Variants in NUGGC observed in about 807,000 individuals in gnomAD.
NUGGC encodes the protein nuclear GTPase SLIP-GC.
In NUGGC, 58 loss-of-function variants were observed where a neutral mutation model predicts 92.6. That is an observed-to-expected ratio of 0.63 (90% CI 0.51 to 0.78). The LOEUF is 0.78. NUGGC is among the 30% of genes least tolerant of loss of function. The pLI is 0.00. For synonymous variants in NUGGC, 376 were observed against 366.4 expected (o/e 1.03, Z -0.30); for missense variants, 925 against 964.6 (o/e 0.96, Z 0.54).
At chr8:28,070,143 A>T in intron 3 of NUGGC, 109 bp downstream of exon 3, 1 of 1,460,756 alleles carries the variant, frequency 6.8e-7, no homozygotes, top group South Asian at 1.5e-5. Flanking sequence ...AAACAGGTTT[A>T]TTTGATGTTT....
intron 2 of NUGGC, among the ~76,000 whole-genome samples, chr8:28,072,900 G>C (rs1947384): frequency 0.29 from 44,221 of 151,514 alleles, 6,800 homozygotes; most frequent in South Asian, 0.54. Flanking sequence ...TCCAAAAAGC[G>C]TAGTATACTG....
At chr8:28,055,080 C>A (rs546359034) in intron 10 of NUGGC, among the ~76,000 whole-genome samples, 2 of 151,606 alleles carry the variant, frequency 1.3e-5, no homozygotes, top group African/African-American at 4.8e-5. Flanking sequence ...TGGTAAAACC[C>A]TCTCTCTACT....
At chr8:28,040,880 T>C (rs1033303307) in intron 13 of NUGGC, among the ~76,000 whole-genome samples, 171 bp downstream of exon 13, 14 of 152,102 alleles carry the variant, frequency 9.2e-5, no homozygotes, top group Non-Finnish European at 2.1e-4. Context: ...CTCCTGACCT[T>C]GTGATCCGCC....
rs778741423 is a variant in NUGGC at position 28,026,946 on chromosome 8, G to A, written c.2245+16C>T. 3 of 1,570,248 alleles carry A rather than the reference G, an allele frequency of 1.9e-6. No individual in the cohort carries two copies. In the South Asian group the frequency reaches 3.3e-5, roughly 17 times the overall value. ...TCTGCACAATCACCCTGTATACAAA[G>A]CTTTGGCGTATTTACCTGCAAGCTC... On this transcript the variant is annotated intron_variant, in intron 18 of 18. Transcript: ENST00000413272.
chr8:28,044,600 A>C (rs1188704928), intron 12 of NUGGC, among the ~76,000 whole-genome samples: 1 of 152,188 alleles, frequency 6.6e-6, no homozygotes, highest in Non-Finnish European at 1.5e-5. Flanking sequence ...AGATTAGGGA[A>C]GTTATTCATC....
chr8:28,076,854 GGGTA>G (rs2130285534), intron 1 of NUGGC, among the ~76,000 whole-genome samples: 1 of 152,260 alleles, frequency 6.6e-6, no homozygotes, highest in East Asian at 1.9e-4. Context: ...GGTTCCCAGA[GGGTA>G]GAAATAGATC....
intron 6 of NUGGC, among the ~76,000 whole-genome samples, chr8:28,065,259 C>G (rs1810412647): frequency 7.0e-6 from 1 of 143,866 alleles, no homozygotes; most frequent in Admixed American, 7.3e-5. Flanking sequence ...CTCCCGGGTT[C>G]ACGCCATTCT....
At chr8:28,076,988 A>G (rs1403265417) in intron 1 of NUGGC, among the ~76,000 whole-genome samples, 1 of 152,224 alleles carries the variant, frequency 6.6e-6, no homozygotes, top group Non-Finnish European at 1.5e-5. Context: ...AGGTGTCTGA[A>G]CCTATATTGA....
intron 1 of NUGGC, among the ~76,000 whole-genome samples, chr8:28,082,781 C>G (rs1810882510): frequency 6.6e-6 from 1 of 151,984 alleles, no homozygotes; most frequent in Non-Finnish European, 1.5e-5. Flanking sequence ...CAGCATGTAT[C>G]TGTAGTCCCA....
At chr8:28,037,137 C>A (rs1161241446) in intron 13 of NUGGC, among the ~76,000 whole-genome samples, 1 of 152,198 alleles carries the variant, frequency 6.6e-6, no homozygotes, top group South Asian at 2.1e-4. Flanking sequence ...CACCAACTCC[C>A]CTCAGACCTC....
intron 18 of NUGGC, 57 bp from the exon 19 acceptor site, chr8:28,023,519 C>T: frequency 6.5e-7 from 1 of 1,545,090 alleles, no homozygotes; most frequent in East Asian, 2.3e-5. Context: ...GAAACGTCTC[C>T]AGAAAGCAAA....
chr8:28,059,119 A>C (rs1188781650), intron 8 of NUGGC, among the ~76,000 whole-genome samples: 1 of 152,204 alleles, frequency 6.6e-6, no homozygotes, highest in Non-Finnish European at 1.5e-5. Context: ...TCCAACCCAG[A>C]CCATGACAGC....
At chr8:28,049,944 G>A (rs1044243388) in intron 10 of NUGGC, among the ~76,000 whole-genome samples, 12 of 151,900 alleles carry the variant, frequency 7.9e-5, no homozygotes, top group African/African-American at 2.7e-4. Context: ...AAAATTAGTC[G>A]GGCATGGAGG....
chr8:28,023,147 A>T lies in NUGGC; in HGVS notation c.*170T>A. On this transcript the variant is annotated 3_prime_UTR_variant, in exon 19 of 19. Coordinates refer to ENST00000413272, the MANE Select transcript of NUGGC (RefSeq NM_001010906.2). The stretch of plus-strand genomic sequence containing the variant: ...CAGCTGCTCTGGAGGCTGAGGCTGG[A>T]GGATCGCTTGAGCCTAGGAGTTCGA... 4 of 630,554 alleles carry T rather than the reference A, an allele frequency of 6.3e-6. 1 individual carries two copies. In the South Asian group the frequency reaches 9.4e-5, roughly 15 times the overall value. 39.1% of individuals were successfully genotyped at this position (630,554 alleles called of 1,614,324 possible). A position where few individuals can be genotyped will look rare whatever the true frequency, so the allele number is the denominator to read the frequency against.
In NUGGC at chr8:28,067,724, C is replaced by T; in HGVS notation, c.501G>A (p.Lys167=). The part of the protein sequence containing the change: ...LSDQEWREEL[K]NLTKLLHRTE... ...TCCTATGCAGGAGTTTGGTCAGGTT[C>T]TTCAGCTCCTCCCTCCACTCCTGCC... Residue 167 remains lysine, a synonymous_variant, in exon 6 of 19, where the codon AAG becomes AAA. Coordinates refer to ENST00000413272, the MANE Select transcript of NUGGC (RefSeq NM_001010906.2). 1 of 1,613,418 alleles carries T rather than the reference C, an allele frequency of 6.2e-7. No individual in the cohort carries two copies. Among genetic ancestry groups the T allele is most frequent in the Non-Finnish European group, 8.5e-7 (1 of 1,179,650 alleles).
chr8:28,022,661 C>T lies in NUGGC; in HGVS notation c.*656G>A, dbSNP rs112231833. ...AAGAATTCTGAGCCAGGCACAATGGCTCATGCCTGCAATCCTAGCACAAGA... is the reference window on the plus strand; with the variant it reads ...AAGAATTCTGAGCCAGGCACAATGGTTCATGCCTGCAATCCTAGCACAAGA... On this transcript the variant is annotated 3_prime_UTR_variant, in exon 19 of 19. Transcript: ENST00000413272. The T allele has an allele frequency of 7.2e-5, 11 of 152,326 alleles. No individual in the cohort carries two copies. The highest frequency in any genetic ancestry group is 2.4e-4 in the African/African-American group (10 of 41,570). The allele number at this position is 152,326 out of a possible 1,614,324, so 9.4% of individuals were successfully genotyped here.
chr8:28,045,539 C>G lies in NUGGC; in HGVS notation c.1434G>C (p.Thr478=). ...GTGTCTTCCATACCGGCAGGTTTTG[C>G]GTGGAGTTGAAACTATCTGTGAGGA... The part of the protein sequence containing the change: ...LLLLTDSFNS[T]QNLPNEHLHM... Residue 478 remains threonine (T), a synonymous_variant, in exon 12 of 19, where the codon ACG becomes ACC. Transcript: ENST00000413272. 1 of 1,611,902 alleles carries G rather than the reference C, an allele frequency of 6.2e-7. No homozygotes were observed. The highest frequency in any genetic ancestry group is 8.5e-7 in the Non-Finnish European group (1 of 1,179,494).
At chr8:28,023,604 G>A in intron 18 of NUGGC, 142 bp from the exon 19 acceptor site, 1 of 822,342 alleles carries the variant, frequency 1.2e-6, no homozygotes, top group Non-Finnish European at 1.9e-6. Flanking sequence ...ATCAAAGCAG[G>A]TGTTCCTCCT....
chr8:28,026,617 A>G (rs4433104), intron 18 of NUGGC, among the ~76,000 whole-genome samples: 116,820 of 152,150 alleles, frequency 0.77, 45,807 homozygotes, highest in Non-Finnish European at 0.85. Flanking sequence ...TTCCTAATAT[A>G]AGTCTCTATT....
Sources: gnomAD v4.1 joint callset for allele counts (sites outside exome capture counted in the v4.1 genomes callset) on GRCh38, gnomAD v4.1.1 for gene constraint, MANE v1.5 for transcripts, NCBI Gene and HGNC (gene_info 2026-07-23, HGNC 2026-07-21) for gene names.